FAM120AOS: variants seen among roughly 807,000 people sequenced by gnomAD.
FAM120AOS encodes family with sequence similarity 120 member A opposite strand.
FAM120AOS carries 15 observed loss-of-function variants against 20.2 expected under a neutral mutation model. That is an observed-to-expected ratio of 0.74 (90% CI 0.50 to 1.15). FAM120AOS has a LOEUF of 1.15. Among genes scored for constraint, FAM120AOS ranks in the 50% most tolerant of loss-of-function variants. The pLI is 0.00. For synonymous variants in FAM120AOS, 154 were observed against 154.0 expected (o/e 1.00, Z 0.00); for missense variants, 327 against 351.9 (o/e 0.93, Z 0.57).
intron 1 of FAM120AOS, chr9:93,451,530 C>T: frequency 9.1e-6 from 9 of 992,334 alleles, no homozygotes; most frequent in Non-Finnish European, 1.1e-5. Context: ...GGGCCTCCGC[C>T]TCCGCCGCCG....
intron 1 of FAM120AOS, 103 bp from the exon 2 acceptor site, chr9:93,450,702 C>A (rs765798712): frequency 6.6e-7 from 1 of 1,517,696 alleles, no homozygotes; most frequent in East Asian, 2.4e-5. Context: ...AGACATTAAT[C>A]TCTTTTTGAA....
rs1338902602 is a variant in FAM120AOS, at chr9:93,453,544, C to T, written c.-835G>A. ...TTGTGAAATTCTGTCTTCGCGGTTG[C>T]CCCCACTGCCCGCGAGGAGATGGTG... On this transcript the variant is annotated 5_prime_UTR_variant, in exon 1 of 3. Transcript: ENST00000375412. 2.1e-5 allele frequency: 21 copies of T among 985,294 alleles called. No homozygotes were observed. The East Asian group carries it at 1.8e-3, about 85-fold the overall frequency. The allele number at this position is 985,294 out of a possible 1,614,324, so 61.0% of individuals were successfully genotyped here. A position where few individuals can be genotyped will look rare whatever the true frequency, so the allele number is the denominator to read the frequency against.
At chr9:93,451,128 C>T (rs996994329) in intron 1 of FAM120AOS, 1 of 1,550,616 alleles carries the variant, frequency 6.4e-7, no homozygotes, top group South Asian at 1.2e-5. Flanking sequence ...CCTGCTCTTT[C>T]CAAGAAGCCA....
intron 2 of FAM120AOS, among the ~76,000 whole-genome samples, chr9:93,450,264 C>T (rs896954141): frequency 6.6e-6 from 1 of 152,222 alleles, no homozygotes; most frequent in Non-Finnish European, 1.5e-5. Context: ...GCTGGGATTA[C>T]AGGCGTGAGC....
rs1271341920 is a variant in FAM120AOS at position 93,444,830 on chromosome 9, T to G, written c.*2781A>C. ...GGTTTCTCCATGTTTGTCAGGCTGG[T>G]CTTGAACTCCCGACCTCAGGTGATC... On this transcript the variant is annotated 3_prime_UTR_variant, in exon 3 of 3. Transcript: ENST00000375412. Among the ~76,000 whole-genome samples the G allele has an allele frequency of 2.6e-5, 4 of 152,110 alleles. No homozygotes were observed. The highest frequency in any genetic ancestry group is 4.8e-5 in the African/African-American group (2 of 41,424).
rs377437354 is a variant in FAM120AOS, at chr9:93,449,679, G to C, written c.684+800C>G. Among the ~76,000 whole-genome samples, 21 of 151,958 alleles carry C rather than the reference G, an allele frequency of 1.4e-4. No individual in the cohort carries two copies. The South Asian group carries it at 1.5e-3, about 11-fold the overall frequency. ...ATTTTTGTGTTTTTAGTAGAGATGG[G>C]GTTTTACCATGTTGGCTAGGATGGT... On this transcript the variant is annotated intron_variant, in intron 2 of 2. Coordinates refer to ENST00000375412, the MANE Select transcript of FAM120AOS (RefSeq NM_198841.4).
chr9:93,448,497 G>T, intron 2 of FAM120AOS: 1 of 204,246 alleles, frequency 4.9e-6, no homozygotes, highest in South Asian at 6.1e-5. Flanking sequence ...CATCTTGGGG[G>T]AGAAAAAATA....
chr9:93,444,449 ATGTTT>A lies in FAM120AOS; in HGVS notation c.*3157_*3161del, dbSNP rs1856784853. Among the ~76,000 whole-genome samples the A allele has an allele frequency of 6.6e-6, 1 of 152,160 alleles. No individual in the cohort carries two copies. Among genetic ancestry groups the A allele is most frequent in the African/African-American group, 2.4e-5 (1 of 41,440 alleles). Reference sequence around the variant, plus strand: ...GCTTGCCGGGCCCCCATTTACCAGAATGTTTTAAGAAAGTTCCAGACTGTTTTCCC... The same window carrying A: ...GCTTGCCGGGCCCCCATTTACCAGAATAAGAAAGTTCCAGACTGTTTTCCC... On this transcript the variant is annotated 3_prime_UTR_variant, in exon 3 of 3. Transcript: ENST00000375412.
chr9:93,451,482 G>C, intron 1 of FAM120AOS: 4 of 1,065,306 alleles, frequency 3.8e-6, no homozygotes, highest in Non-Finnish European at 3.4e-6. Flanking sequence ...GCCTGCTCCG[G>C]CTCAGAAGCC....
rs1588735892 is a variant in FAM120AOS at position 93,445,978 on chromosome 9, A to T, written c.*1633T>A. 1.3e-5 allele frequency among the ~76,000 whole-genome samples: 2 copies of T among 152,268 alleles called. No homozygotes were observed. Among genetic ancestry groups the T allele is most frequent in the South Asian group, 4.1e-4 (2 of 4,824 alleles). On this transcript the variant is annotated 3_prime_UTR_variant, in exon 3 of 3. Transcript: ENST00000375412. ...CTGAGTGCACTGATGCAGTAGATGG[A>T]TGTCTCAGATCCCTCAGCTCCCAGA...
chr9:93,448,160 ATTG>A (rs1170057807), intron 2 of FAM120AOS, among the ~76,000 whole-genome samples: 2 of 152,310 alleles, frequency 1.3e-5, no homozygotes, highest in East Asian at 3.9e-4. Context: ...CTCATCTGTT[ATTG>A]TTGGTGGTTA....
intron 2 of FAM120AOS, among the ~76,000 whole-genome samples, chr9:93,449,033 C>T (rs906776748): frequency 6.3e-4 from 95 of 151,454 alleles, no homozygotes; most frequent in African/African-American, 2.1e-3. Context: ...ATTTTGCCCA[C>T]CATCAATAGC....
At position 93,445,783 on chromosome 9, in the gene FAM120AOS, T is replaced by C. The variant is rs1165322087; in HGVS notation, c.*1828A>G. ...TTGGATTTTTTGTAGACAATGGGTT[T>C]CATCATGTTGCCTCAAGAAAAATAA... is the stretch of plus-strand genomic sequence containing the variant. On this transcript the variant is annotated 3_prime_UTR_variant, in exon 3 of 3. Transcript: ENST00000375412. 6.6e-6 allele frequency among the ~76,000 whole-genome samples: 1 copy of C among 152,106 alleles called. No homozygotes were observed.
chr9:93,448,775 G>A (rs1355574610), intron 2 of FAM120AOS, among the ~76,000 whole-genome samples: 2 of 151,660 alleles, frequency 1.3e-5, no homozygotes, highest in African/African-American at 4.9e-5. Context: ...CTGCCACCAC[G>A]CCCGGCTAAT....
At chr9:93,449,492 A>ATTTTTTTTTTTTTTTTTTTT (rs10667664) in intron 2 of FAM120AOS, among the ~76,000 whole-genome samples, 1 of 109,534 alleles carries the variant, frequency 9.1e-6, no homozygotes, top group African/African-American at 3.7e-5. Flanking sequence ...TGGCACTGGC[A>ATTTTTTTTTTTTTTTTTTTT]TTTTTTTTTT....
rs1856821971 is a variant in FAM120AOS at position 93,445,593 on chromosome 9, T to TTTTA, written c.*2017_*2018insTAAA. Among the ~76,000 whole-genome samples, 1 of 143,174 alleles carries TTTTA rather than the reference T, an allele frequency of 7.0e-6. No homozygotes were observed. The highest frequency in any genetic ancestry group is 2.6e-5 in the African/African-American group (1 of 37,820). The allele number at this position is 143,174 out of a possible 152,430, so 93.9% of individuals were successfully genotyped here. A position where few individuals can be genotyped will look rare whatever the true frequency, so the allele number is the denominator to read the frequency against. Reference sequence around the variant, plus strand: ...TTCATAAAAATCGTTGTTTTTTTTTTTTTTTTTTTTTTTTGAGACAAGGCC... The same window carrying TTTTA: ...TTCATAAAAATCGTTGTTTTTTTTTTTTTATTTTTTTTTTTTTTGAGACAAGGCC... On this transcript the variant is annotated 3_prime_UTR_variant, in exon 3 of 3. Coordinates refer to ENST00000375412, the MANE Select transcript of FAM120AOS (RefSeq NM_198841.4).
At chr9:93,451,769 CGGCGGCCAT>C in intron 1 of FAM120AOS, 1 of 981,742 alleles carries the variant, frequency 1.0e-6, no homozygotes, top group Non-Finnish European at 1.2e-6. Flanking sequence ...ATGGCGGCCG[CGGCGGCCAT>C]GAGCGCGCCC....
chr9:93,449,871 G>T (rs1005821053), intron 2 of FAM120AOS, among the ~76,000 whole-genome samples: 2 of 152,156 alleles, frequency 1.3e-5, no homozygotes, highest in African/African-American at 4.8e-5. Context: ...ATGAAAATAC[G>T]AGTGATTAAA....
intron 1 of FAM120AOS, chr9:93,450,864 T>A (rs3815563): frequency 0.17 from 157,779 of 906,062 alleles, 15,988 homozygotes; most frequent in African/African-American, 0.42. Context: ...TCAGAAGAGC[T>A]GGGAGATCCA....
Sources: gnomAD v4.1 joint callset for allele counts (sites outside exome capture counted in the v4.1 genomes callset) on GRCh38, gnomAD v4.1.1 for gene constraint, MANE v1.5 for transcripts, NCBI Gene and HGNC (gene_info 2026-07-23, HGNC 2026-07-21) for gene names.